Variants in SLC71A1 observed in about 807,000 individuals in gnomAD.
SLC71A1 encodes the protein solute carrier family 71 member 1, also known as hippocampus abundant gene transcript 1.
the SLC71A1 span, chr1:100,062,089 A>T: frequency 1.8e-6 from 1 of 570,606 alleles, no homozygotes. Context: ...CATTCATTAG[A>T]CTACATTTAA....
chr1:100,061,634 G>A, the SLC71A1 span, among the ~76,000 whole-genome samples: 1 of 152,152 alleles, frequency 6.6e-6, no homozygotes, highest in African/African-American at 2.4e-5. Context: ...TAGTAGCTGA[G>A]CTGCTATTGA....
At chr1:100,048,838 A>G in the SLC71A1 span, among the ~76,000 whole-genome samples, 298 of 152,350 alleles carry the variant, frequency 2.0e-3, no homozygotes, top group African/African-American at 6.8e-3. Context: ...TGTTTCAAGT[A>G]AAGAGGGCAG....
At chr1:100,058,596 AG>A in the SLC71A1 span, 1 of 816,844 alleles carries the variant, frequency 1.2e-6, no homozygotes, top group South Asian at 1.5e-5. Flanking sequence ...ATGTTCAAAA[AG>A]GTAAATGTAG....
the SLC71A1 span, chr1:100,059,867 A>C: frequency 1.3e-6 from 2 of 1,591,412 alleles, no homozygotes; most frequent in African/African-American, 1.4e-5. Context: ...TTTTTCATTT[A>C]ATTTTTTTAG....
At chr1:100,067,759 G>A in the SLC71A1 span, among the ~76,000 whole-genome samples, 5 of 152,120 alleles carry the variant, frequency 3.3e-5, no homozygotes, top group Non-Finnish European at 7.4e-5. Context: ...ACAGTGAGCC[G>A]TGATGGCACC....
the SLC71A1 span, among the ~76,000 whole-genome samples, chr1:100,059,535 A>C: frequency 4.6e-4 from 70 of 150,980 alleles, no homozygotes; most frequent in Non-Finnish European, 1.3e-4. Flanking sequence ...ATATAAATAT[A>C]TGTTTTATGT....
chr1:100,068,148 G>A, the SLC71A1 span: 3 of 1,614,002 alleles, frequency 1.9e-6, no homozygotes, highest in South Asian at 2.2e-5. Context: ...AATGCGGCCA[G>A]CATCCTGGGG....
the SLC71A1 span, among the ~76,000 whole-genome samples, chr1:100,041,921 CA>C: frequency 0.16 from 19,171 of 118,678 alleles, 1,401 homozygotes; most frequent in African/African-American, 0.24. Flanking sequence ...GAAACTGTCT[CA>C]AAAAAAAAAA....
At chr1:100,062,564 A>G in the SLC71A1 span, among the ~76,000 whole-genome samples, 3 of 152,328 alleles carry the variant, frequency 2.0e-5, no homozygotes, top group African/African-American at 4.8e-5. Flanking sequence ...AATGACTACT[A>G]TAGGCACAAT....
the SLC71A1 span, among the ~76,000 whole-genome samples, chr1:100,043,475 G>T: frequency 1.6e-4 from 25 of 152,072 alleles, no homozygotes; most frequent in African/African-American, 6.0e-4. Flanking sequence ...CCTTCCAGTC[G>T]TGGGAAACTT....
the SLC71A1 span, among the ~76,000 whole-genome samples, chr1:100,057,265 TAC>T: frequency 6.6e-6 from 1 of 152,038 alleles, no homozygotes; most frequent in Non-Finnish European, 1.5e-5. Context: ...GGAGATCACA[TAC>T]TATTTTTATA....
At chr1:100,044,505 C>T in the SLC71A1 span, among the ~76,000 whole-genome samples, 1 of 141,744 alleles carries the variant, frequency 7.1e-6, no homozygotes, top group African/African-American at 2.7e-5. Context: ...TCTGTTTACT[C>T]TGCTGATTTT....
chr1:100,039,053 G>A, the SLC71A1 span, among the ~76,000 whole-genome samples: 1 of 152,208 alleles, frequency 6.6e-6, no homozygotes, highest in South Asian at 2.1e-4. Flanking sequence ...GGGAAGAAAG[G>A]TTTGCTTTTT....
At chr1:100,061,074 T>C in the SLC71A1 span, among the ~76,000 whole-genome samples, 1 of 152,156 alleles carries the variant, frequency 6.6e-6, no homozygotes, top group African/African-American at 2.4e-5. Flanking sequence ...AACAAAGAAT[T>C]TGCTGTGTTA....
the SLC71A1 span, among the ~76,000 whole-genome samples, chr1:100,039,352 T>C: frequency 6.6e-6 from 1 of 152,242 alleles, no homozygotes; most frequent in South Asian, 2.1e-4. Context: ...GTAGTAAATG[T>C]GTAAGTAGGC....
chr1:100,046,234 T>G, the SLC71A1 span, among the ~76,000 whole-genome samples: 30 of 120,566 alleles, frequency 2.5e-4, 1 homozygote, highest in East Asian at 5.4e-3. Context: ...TTTTTTTTTT[T>G]TTTTTTTTTT....
At chr1:100,042,795 A>G in the SLC71A1 span, among the ~76,000 whole-genome samples, 4 of 151,928 alleles carry the variant, frequency 2.6e-5, no homozygotes, top group Non-Finnish European at 5.9e-5. Flanking sequence ...TTTTTAGTAG[A>G]GACCGGATTT....
the SLC71A1 span, chr1:100,043,205 T>TA: frequency 1.0e-6 from 1 of 978,348 alleles, no homozygotes; most frequent in Non-Finnish European, 1.2e-6. Context: ...AAAGTTTAAG[T>TA]AAAAAAATGA....
chr1:100,079,254 G>C, the SLC71A1 span: 2 of 151,260 alleles, frequency 1.3e-5, no homozygotes, highest in Non-Finnish European at 2.9e-5. Flanking sequence ...GCTAGCTTAG[G>C]CAACACAGCA....
Sources: allele counts gnomAD v4.1 joint callset (sites outside exome capture counted in the v4.1 genomes callset), GRCh38; gene constraint gnomAD v4.1.1; transcripts MANE v1.5; gene names NCBI Gene and HGNC (gene_info 2026-07-23, HGNC 2026-07-21).